The following DOCK3 variants were observed in gnomAD, a reference collection of about 807,000 sequenced individuals.
DOCK3 encodes the protein dedicator of cytokinesis 3.
A neutral mutation model predicts 265.6 loss-of-function variants in DOCK3; 60 were observed. The observed-to-expected ratio is 0.23, with a 90% CI of 0.18 to 0.28. The LOEUF is 0.28. DOCK3 is among the 10% of genes least tolerant of loss of function. DOCK3 has a pLI of 1.00. For synonymous variants in DOCK3, 881 were observed against 938.0 expected, an observed-to-expected ratio of 0.94 and a Z score of 1.11; for missense variants, 1,981 against 2,594.3, an observed-to-expected ratio of 0.76 and a Z score of 5.14.
intron 24 of DOCK3, among the ~76,000 whole-genome samples, chr3:51,273,768 T>C (rs2080648432): frequency 6.6e-6 from 1 of 152,328 alleles, no homozygotes; most frequent in South Asian, 2.1e-4. Context: ...AGGACAGATA[T>C]GAACGATAAA....
intron 27 of DOCK3, among the ~76,000 whole-genome samples, chr3:51,303,491 T>G (rs2082470413): frequency 6.6e-6 from 1 of 152,214 alleles, no homozygotes; most frequent in African/African-American, 2.4e-5. Flanking sequence ...AGAAGAGACA[T>G]TCTGCCTTTT....
At chr3:51,350,168 C>G in intron 39 of DOCK3, 120 bp from the exon 40 acceptor site, 1 of 829,418 alleles carries the variant, frequency 1.2e-6, no homozygotes, top group African/African-American at 1.7e-5. Context: ...TCACTTACTT[C>G]TTATCTAGAT....
At chr3:51,298,762 A>T (rs1450608269) in intron 27 of DOCK3, among the ~76,000 whole-genome samples, 1 of 152,186 alleles carries the variant, frequency 6.6e-6, no homozygotes, top group Non-Finnish European at 1.5e-5. Context: ...TTATGGCTGC[A>T]TAGTATTCCA....
chr3:51,041,430 G>A (rs1261227120), intron 5 of DOCK3, among the ~76,000 whole-genome samples: 1 of 151,194 alleles, frequency 6.6e-6, no homozygotes, highest in South Asian at 2.1e-4. Flanking sequence ...TGTTAGCCAG[G>A]ATGGTCTCGA....
chr3:50,743,741 G>A (rs1040458801), intron 1 of DOCK3, among the ~76,000 whole-genome samples: 7 of 152,132 alleles, frequency 4.6e-5, no homozygotes, highest in Non-Finnish European at 7.4e-5. Flanking sequence ...AATAATAATG[G>A]GGGACTTTAA....
chr3:51,197,980 T>C (rs2088427570), intron 12 of DOCK3, among the ~76,000 whole-genome samples: 1 of 152,220 alleles, frequency 6.6e-6, no homozygotes, highest in African/African-American at 2.4e-5. Context: ...CACTCACTTC[T>C]CAGCACCAAC....
At chr3:50,699,201 G>A (rs1282382711) in intron 1 of DOCK3, among the ~76,000 whole-genome samples, 2 of 152,172 alleles carry the variant, frequency 1.3e-5, no homozygotes, top group East Asian at 1.9e-4. Flanking sequence ...ATCTTGGCAC[G>A]CTTGTCAAAA....
rs1258356032 is a variant in DOCK3, at chr3:51,275,136, A to G, written c.2606A>G (p.Gln869Arg). 6.2e-7 allele frequency: 1 copy of G among 1,613,988 alleles called. No individual in the cohort carries two copies. Among genetic ancestry groups the G allele is most frequent in the Non-Finnish European group, 8.5e-7 (1 of 1,179,882 alleles). Reference protein sequence around the residue: ...VLHHIHLHLRQQKELLICSGI... With the variant: ...VLHHIHLHLRRQKELLICSGI... ...CATCACATTCACCTTCACCTGAGGC[A>G]GCAGAAAGAGCTGCTAATTTGCTCA... The change falls in exon 25 of 53, where the codon CAG becomes CGG. Residue 869 changes from glutamine to arginine, a missense_variant. Physicochemically the swap from Gln to Arg is conservative, Grantham distance 43. Transcript: ENST00000266037.
intron 5 of DOCK3, among the ~76,000 whole-genome samples, chr3:51,026,478 A>G (rs2079828946): frequency 6.6e-6 from 1 of 151,244 alleles, no homozygotes; most frequent in Admixed American, 6.6e-5. Flanking sequence ...TTGGGTATCA[A>G]GATGATACTG....
chr3:50,677,112 G>C (rs1410091269), intron 1 of DOCK3, among the ~76,000 whole-genome samples: 1 of 152,204 alleles, frequency 6.6e-6, no homozygotes, highest in Non-Finnish European at 1.5e-5. Flanking sequence ...TCCCTTTGGA[G>C]GGCCACAGCA....
At chr3:50,863,984 G>T (rs986565335) in intron 3 of DOCK3, among the ~76,000 whole-genome samples, 2 of 152,152 alleles carry the variant, frequency 1.3e-5, no homozygotes, top group African/African-American at 4.8e-5. Flanking sequence ...CCAAGCAGGG[G>T]ATTGCTGGAT....
At chr3:50,783,950 C>T (rs2042055032) in intron 2 of DOCK3, among the ~76,000 whole-genome samples, 1 of 151,736 alleles carries the variant, frequency 6.6e-6, no homozygotes, top group South Asian at 2.1e-4. Context: ...TCACCGCAAC[C>T]TCCGCCTCCC....
At chr3:51,112,887 T>C (rs1354988674) in intron 9 of DOCK3, among the ~76,000 whole-genome samples, 3 of 152,216 alleles carry the variant, frequency 2.0e-5, no homozygotes, top group Non-Finnish European at 4.4e-5. Context: ...ACAGCTGAGC[T>C]CAAGGACTCT....
chr3:51,341,122 G>A (rs2085209566), intron 37 of DOCK3, 115 bp from the exon 38 acceptor site: 5 of 1,294,602 alleles, frequency 3.9e-6, no homozygotes, highest in Non-Finnish European at 5.2e-6. Context: ...TCCCCGACCT[G>A]GGCTGCACAT....
At chr3:51,239,038 G>A (rs745809933) in intron 21 of DOCK3, among the ~76,000 whole-genome samples, 39 of 151,992 alleles carry the variant, frequency 2.6e-4, no homozygotes, top group Non-Finnish European at 4.9e-4. Flanking sequence ...TTGCCACACC[G>A]CTTTCCACAA....
chr3:50,884,212 T>A (rs2048212244), intron 3 of DOCK3, among the ~76,000 whole-genome samples: 1 of 152,070 alleles, frequency 6.6e-6, no homozygotes, highest in Admixed American at 6.6e-5. Context: ...TGTCTCAGCC[T>A]CCTGATTAGC....
chr3:51,068,514 T>C (rs1180403722), intron 6 of DOCK3, among the ~76,000 whole-genome samples: 1 of 117,182 alleles, frequency 8.5e-6, no homozygotes, highest in Admixed American at 1.2e-4. Flanking sequence ...CACTCCAGCC[T>C]GGGCGACAGA....
intron 49 of DOCK3, among the ~76,000 whole-genome samples, chr3:51,366,881 C>T (rs563709300): frequency 2.0e-5 from 3 of 152,270 alleles, no homozygotes; most frequent in African/African-American, 7.2e-5. Context: ...TTTTCTTTTA[C>T]ATTTCCTGAG....
intron 9 of DOCK3, among the ~76,000 whole-genome samples, chr3:51,118,832 A>G (rs192428704): frequency 6.6e-6 from 1 of 151,846 alleles, no homozygotes; most frequent in African/African-American, 2.4e-5. Context: ...CTTGGTAAAT[A>G]TTCCTCCATC....
Sources: gnomAD v4.1 joint callset for allele counts (sites outside exome capture counted in the v4.1 genomes callset) on GRCh38, gnomAD v4.1.1 for gene constraint, MANE v1.5 for transcripts, NCBI Gene and HGNC (gene_info 2026-07-23, HGNC 2026-07-21) for gene names.